The following PKNOX2 variants were observed in gnomAD, a reference collection of about 807,000 sequenced individuals.
The protein encoded by PKNOX2 is homeobox protein PKNOX2.
Under a neutral mutation model 53.1 loss-of-function variants are expected in PKNOX2, and 14 were observed. The observed-to-expected ratio is 0.26, with a 90% CI of 0.17 to 0.41. PKNOX2 has a LOEUF of 0.41. Among genes scored for constraint, PKNOX2 ranks in the 10% least tolerant of loss-of-function variants. PKNOX2 has a pLI of 1.00. For missense variants in PKNOX2, 496 were observed against 602.8 expected, an observed-to-expected ratio of 0.82 and a Z score of 1.85; for synonymous variants, 257 against 242.8, an observed-to-expected ratio of 1.06 and a Z score of -0.54.
intron 1 of PKNOX2, among the ~76,000 whole-genome samples, chr11:125,216,510 C>G (rs916787035): frequency 6.6e-6 from 1 of 152,180 alleles, no homozygotes; most frequent in Non-Finnish European, 1.5e-5. Flanking sequence ...GAGAACCCAG[C>G]CTGCCCCTTC....
chr11:125,420,794 C>T (rs1289489673), intron 10 of PKNOX2, among the ~76,000 whole-genome samples: 1 of 152,104 alleles, frequency 6.6e-6, no homozygotes, highest in Non-Finnish European at 1.5e-5. Context: ...TGACACAGAA[C>T]CCAGGGGCTT....
At chr11:125,218,412 G>GA (rs1294492236) in intron 1 of PKNOX2, among the ~76,000 whole-genome samples, 1 of 151,208 alleles carries the variant, frequency 6.6e-6, no homozygotes, top group Non-Finnish European at 1.5e-5. Flanking sequence ...AGTGATGGGG[G>GA]GGGGACAGGA....
intron 2 of PKNOX2, among the ~76,000 whole-genome samples, chr11:125,244,028 T>C (rs924642870): frequency 9.9e-5 from 15 of 152,108 alleles, no homozygotes; most frequent in Non-Finnish European, 1.8e-4. Flanking sequence ...GATGAATGGA[T>C]GGAAGGATGA....
rs554223866 is a variant in PKNOX2, at chr11:125,370,957, C to T, written c.227+2972C>T. Among the ~76,000 whole-genome samples, 5 of 152,300 alleles carry T rather than the reference C, an allele frequency of 3.3e-5. No individual in the cohort carries two copies. The South Asian group carries it at 1.0e-3, about 32-fold the overall frequency. Reference sequence around the variant, plus strand: ...ACAGATGAAGGAAGGGTGGGTGTGGCCCCTCCCTGCCTAGGACACTGCTCG... The same window carrying T: ...ACAGATGAAGGAAGGGTGGGTGTGGTCCCTCCCTGCCTAGGACACTGCTCG... On this transcript the variant is annotated intron_variant, in intron 5 of 12. Coordinates refer to ENST00000298282, the MANE Select transcript of PKNOX2 (RefSeq NM_001382323.2). This position sits in a 1 kb window ranked among gnomAD's most constrained non-coding sequence, Gnocchi z 4.1.
At chr11:125,218,468 G>T in intron 1 of PKNOX2, among the ~76,000 whole-genome samples, 1 of 152,058 alleles carries the variant, frequency 6.6e-6, no homozygotes, top group East Asian at 1.9e-4. Context: ...AGAATAGACC[G>T]TCCTGGGAAT....
At chr11:125,316,563 C>A (rs1274166342) in intron 2 of PKNOX2, among the ~76,000 whole-genome samples, 1 of 152,142 alleles carries the variant, frequency 6.6e-6, no homozygotes, top group Non-Finnish European at 1.5e-5. Context: ...GGCAATAAAG[C>A]AAGTCACATG....
At chr11:125,304,181 G>A (rs550446913) in intron 2 of PKNOX2, among the ~76,000 whole-genome samples, 43 of 152,242 alleles carry the variant, frequency 2.8e-4, no homozygotes, top group African/African-American at 9.9e-4. Flanking sequence ...GATCCACTTG[G>A]GTAGACACCT....
intron 3 of PKNOX2, among the ~76,000 whole-genome samples, chr11:125,337,893 C>T (rs988004356): frequency 1.3e-5 from 2 of 152,166 alleles, no homozygotes; most frequent in Non-Finnish European, 2.9e-5. Flanking sequence ...TTATTTGTCT[C>T]GGGAAGAAGT....
At chr11:125,296,474 C>A (rs1947663774) in intron 2 of PKNOX2, among the ~76,000 whole-genome samples, 1 of 152,126 alleles carries the variant, frequency 6.6e-6, no homozygotes, top group Non-Finnish European at 1.5e-5. Flanking sequence ...GGTCTCTATT[C>A]AACTGTCATC....
intron 2 of PKNOX2, chr11:125,239,718 A>G (rs947903468): frequency 6.6e-6 from 1 of 152,250 alleles, no homozygotes; most frequent in Non-Finnish European, 1.5e-5. Context: ...ATGGGAACCT[A>G]TGCTCGAAGG....
intron 4 of PKNOX2, 32 bp downstream of exon 4, chr11:125,351,424 C>T (rs1951313120): frequency 2.9e-6 from 4 of 1,382,670 alleles, no homozygotes; most frequent in African/African-American, 1.4e-5. Flanking sequence ...CCTCCCACCA[C>T]GGGGGAGGGA....
At chr11:125,261,772 T>C (rs1442014031) in intron 2 of PKNOX2, among the ~76,000 whole-genome samples, 1 of 152,216 alleles carries the variant, frequency 6.6e-6, no homozygotes, top group Non-Finnish European at 1.5e-5. Flanking sequence ...AATGCCGCTC[T>C]TTCCGATCTG....
Position 125,295,991 on chromosome 11 carries a change from C to G in PKNOX2, c.-129-35828C>G, listed in dbSNP as rs531453655. Among the ~76,000 whole-genome samples, 15 of 152,272 alleles carry G rather than the reference C, an allele frequency of 9.9e-5. No homozygotes were observed. In the South Asian group the frequency reaches 2.9e-3, roughly 29 times the overall value. ...GGGCAAATCCATACTTCCAGTTGTT[C>G]CAGTTAAATAAGGTGGGGTCCCCCT... On this transcript the variant is annotated intron_variant, in intron 2 of 12. Transcript: ENST00000298282.
At chr11:125,236,033 TGG>T (rs1942653257) in intron 2 of PKNOX2, among the ~76,000 whole-genome samples, 2 of 152,210 alleles carry the variant, frequency 1.3e-5, no homozygotes, top group African/African-American at 4.8e-5. Context: ...GATAGTACGT[TGG>T]CTTCCAACCA....
intron 1 of PKNOX2, among the ~76,000 whole-genome samples, chr11:125,198,699 C>T (rs1418856167): frequency 2.6e-5 from 4 of 152,024 alleles, no homozygotes; most frequent in African/African-American, 4.8e-5. Context: ...GATCTATGGG[C>T]CCCTCAGACA....
intron 2 of PKNOX2, among the ~76,000 whole-genome samples, chr11:125,261,180 G>A (rs1944820337): frequency 6.6e-6 from 1 of 152,134 alleles, no homozygotes; most frequent in Admixed American, 6.5e-5. Context: ...TCTTGTCTTG[G>A]AAGGGCTGGT....
intron 10 of PKNOX2, among the ~76,000 whole-genome samples, chr11:125,419,825 G>A (rs1956077184): frequency 6.7e-6 from 1 of 149,124 alleles, no homozygotes; most frequent in African/African-American, 2.5e-5. Flanking sequence ...GAGCCTGAGA[G>A]TTCGAGACCA....
intron 1 of PKNOX2, among the ~76,000 whole-genome samples, chr11:125,169,888 C>T (rs376674502): frequency 6.6e-6 from 1 of 152,252 alleles, no homozygotes; most frequent in Non-Finnish European, 1.5e-5. Context: ...AAACCATCTA[C>T]ACTTTACCAA....
At chr11:125,372,624 G>A (rs138227137) in intron 5 of PKNOX2, among the ~76,000 whole-genome samples, 1 of 152,356 alleles carries the variant, frequency 6.6e-6, no homozygotes, top group Non-Finnish European at 1.5e-5. Context: ...ATCTGCTTCA[G>A]CAGAGCCCCA....
Sources: gnomAD v4.1 joint callset for allele counts (sites outside exome capture counted in the v4.1 genomes callset) on GRCh38, gnomAD v4.1.1 for gene constraint, Gnocchi (gnomAD v3.1) non-coding constraint, MANE v1.5 for transcripts, NCBI Gene and HGNC (gene_info 2026-07-23, HGNC 2026-07-21) for gene names.